ERC1: variants seen among roughly 807,000 people sequenced by gnomAD.
The protein encoded by ERC1 is ELKS/RAB6-interacting/CAST family member 1, also known as RAB6 interacting protein 2.
ERC1 carries 56 observed loss-of-function variants against 132.0 expected under a neutral mutation model. That is an observed-to-expected ratio of 0.42 (90% CI 0.34 to 0.53). The LOEUF is 0.53. ERC1 is among the 20% of genes least tolerant of loss of function. ERC1 has a pLI of 0.03. For missense variants in ERC1, 1,202 were observed against 1,349.9 expected, an observed-to-expected ratio of 0.89 and a Z score of 1.72; for synonymous variants, 478 against 476.1, an observed-to-expected ratio of 1.00 and a Z score of -0.05.
At chr12:1,420,062 T>G (rs2092361091) in intron 17 of ERC1, among the ~76,000 whole-genome samples, 1 of 152,206 alleles carries the variant, frequency 6.6e-6, no homozygotes, top group Non-Finnish European at 1.5e-5. Context: ...TTTATTTAAC[T>G]GGTTGCTTTA....
chr12:1,035,476 C>T (rs969787788), intron 2 of ERC1, among the ~76,000 whole-genome samples: 10 of 152,122 alleles, frequency 6.6e-5, no homozygotes, highest in Non-Finnish European at 1.0e-4. Flanking sequence ...ACTGAACTTT[C>T]AAATACTGCT....
At chr12:1,017,646 G>A (rs1391341363) in intron 1 of ERC1, among the ~76,000 whole-genome samples, 1 of 151,892 alleles carries the variant, frequency 6.6e-6, no homozygotes, top group African/African-American at 2.4e-5. Context: ...CTAGAGGCGT[G>A]CGCTATCACA....
chr12:1,385,951 C>T (rs1395785005), intron 16 of ERC1: 2 of 150,336 alleles, frequency 1.3e-5, no homozygotes, highest in African/African-American at 4.9e-5. Flanking sequence ...AAAGAAAAAA[C>T]ATGAGCCATG....
intron 12 of ERC1, 89 bp downstream of exon 12, chr12:1,190,141 ACT>A (rs1955560714): frequency 2.6e-6 from 3 of 1,176,104 alleles, no homozygotes; most frequent in African/African-American, 3.0e-5. Context: ...AGTGTATCTA[ACT>A]CTGAATTTAG....
At chr12:1,227,346 C>G (rs1238271266) in intron 12 of ERC1, among the ~76,000 whole-genome samples, 2 of 152,160 alleles carry the variant, frequency 1.3e-5, no homozygotes, top group African/African-American at 4.8e-5. Context: ...GGTGATATCT[C>G]ATTGTGGTTT....
At chr12:1,421,697 T>G (rs2092435744) in intron 17 of ERC1, among the ~76,000 whole-genome samples, 1 of 152,116 alleles carries the variant, frequency 6.6e-6, no homozygotes, top group Non-Finnish European at 1.5e-5. Flanking sequence ...ACATGACTCT[T>G]GATGAGTAAG....
intron 15 of ERC1, among the ~76,000 whole-genome samples, chr12:1,304,990 G>T (rs550454352): frequency 2.6e-5 from 4 of 151,422 alleles, no homozygotes; most frequent in Non-Finnish European, 5.9e-5. Context: ...GGGTTTCACC[G>T]TGTTGGCCAG....
intron 7 of ERC1, among the ~76,000 whole-genome samples, chr12:1,117,046 A>G (rs1450135479): frequency 6.6e-6 from 1 of 152,264 alleles, no homozygotes; most frequent in African/African-American, 2.4e-5. Context: ...TCGAAGAGAA[A>G]GAGTTGATGA....
intron 17 of ERC1, among the ~76,000 whole-genome samples, chr12:1,441,670 T>G (rs1289799045): frequency 6.6e-6 from 1 of 152,138 alleles, no homozygotes; most frequent in Admixed American, 6.5e-5. Context: ...GGGAATAAAT[T>G]GCACAAATCC....
intron 13 of ERC1, among the ~76,000 whole-genome samples, chr12:1,251,168 T>TC (rs2076448248): frequency 6.6e-6 from 1 of 152,150 alleles, no homozygotes; most frequent in African/African-American, 2.4e-5. Flanking sequence ...TTTTTAGATT[T>TC]GCCAGGGGGA....
intron 12 of ERC1, among the ~76,000 whole-genome samples, chr12:1,234,926 C>T (rs2075311802): frequency 6.6e-6 from 1 of 152,144 alleles, no homozygotes; most frequent in Admixed American, 6.5e-5. Context: ...TATGCAACCT[C>T]GGTTTCAGAT....
At chr12:1,008,820 A>G (rs1373972715) in intron 1 of ERC1, among the ~76,000 whole-genome samples, 1 of 152,222 alleles carries the variant, frequency 6.6e-6, no homozygotes, top group Non-Finnish European at 1.5e-5. Flanking sequence ...CGGTTTTTAA[A>G]GTTTCAATTC....
chr12:1,444,732 G>A lies in ERC1; in HGVS notation c.3195G>A (p.Gln1065=). 1 of 1,613,814 alleles carries A rather than the reference G, an allele frequency of 6.2e-7. No individual in the cohort carries two copies. The highest frequency in any genetic ancestry group is 8.5e-7 in the Non-Finnish European group (1 of 1,179,934). The change falls in exon 18 of 19, where the codon CAG becomes CAA. Residue 1065 remains glutamine (Q), a synonymous_variant. Transcript: ENST00000360905. ...DDQAAWENEL[Q]KMTRGQLQDE... is the part of the protein sequence containing the mutation. ...AGGCGGCTTGGGAGAATGAGCTGCA[G>A]AAGATGACCCGGGGGCAGGTGAGCC...
At chr12:1,013,273 G>T (rs554013985) in intron 1 of ERC1, among the ~76,000 whole-genome samples, 2 of 152,178 alleles carry the variant, frequency 1.3e-5, no homozygotes, top group East Asian at 3.9e-4. Flanking sequence ...GTTACAACTG[G>T]AGAACAACTA....
intron 16 of ERC1, among the ~76,000 whole-genome samples, chr12:1,395,367 G>A (rs995975361): frequency 1.3e-5 from 2 of 150,670 alleles, no homozygotes; most frequent in Non-Finnish European, 2.9e-5. Context: ...CAGAAAACAG[G>A]AAATCTTTCA....
At chr12:1,055,814 G>A (rs1972845464) in intron 2 of ERC1, among the ~76,000 whole-genome samples, 6 of 152,086 alleles carry the variant, frequency 3.9e-5, no homozygotes, top group Admixed American at 3.9e-4. Context: ...TGGGTGAGAT[G>A]TAAACTTTAA....
At chr12:1,206,160 T>G (rs533318563) in intron 12 of ERC1, among the ~76,000 whole-genome samples, 24 of 152,254 alleles carry the variant, frequency 1.6e-4, no homozygotes, top group Admixed American at 1.5e-3. Flanking sequence ...ATGCAAAAGT[T>G]TAAAGTCTCT....
intron 16 of ERC1, among the ~76,000 whole-genome samples, chr12:1,379,760 C>A (rs78078912): frequency 3.6e-3 from 541 of 152,204 alleles, no homozygotes; most frequent in African/African-American, 0.013. Flanking sequence ...AGAGAGCAAC[C>A]AAAATGGAAT....
chr12:1,132,387 A>C (rs1948848955), intron 7 of ERC1, among the ~76,000 whole-genome samples: 1 of 152,206 alleles, frequency 6.6e-6, no homozygotes, highest in Admixed American at 6.5e-5. Context: ...CCACACTTAT[A>C]CTAAAGGTTT....
Sources: gnomAD v4.1 joint callset for allele counts (sites outside exome capture counted in the v4.1 genomes callset) on GRCh38, gnomAD v4.1.1 for gene constraint, MANE v1.5 for transcripts, NCBI Gene and HGNC (gene_info 2026-07-23, HGNC 2026-07-21) for gene names.